PHACTR1: variants seen among roughly 807,000 people sequenced by gnomAD.
The protein encoded by PHACTR1 is RPEL repeat containing 1.
Under a neutral mutation model 69.2 loss-of-function variants are expected in PHACTR1, and 16 were observed. That is an observed-to-expected ratio of 0.23 (90% CI 0.16 to 0.35). The LOEUF is 0.35. PHACTR1 is among the 10% of genes least tolerant of loss of function. The pLI is 1.00. For missense variants in PHACTR1, 510 were observed against 734.7 expected, an observed-to-expected ratio of 0.69 and a Z score of 3.54; for synonymous variants, 312 against 284.5, an observed-to-expected ratio of 1.10 and a Z score of -0.97.
chr6:13,149,095 G>A (rs1205607524), intron 5 of PHACTR1, among the ~76,000 whole-genome samples: 8 of 114,882 alleles, frequency 7.0e-5, no homozygotes, highest in Non-Finnish European at 1.4e-4. Flanking sequence ...AACATTTGAT[G>A]AAAGAGCACG....
chr6:13,048,329 A>G (rs1005773787), intron 4 of PHACTR1, among the ~76,000 whole-genome samples: 2 of 152,174 alleles, frequency 1.3e-5, no homozygotes, highest in African/African-American at 4.8e-5. Flanking sequence ...TCCAGACAGC[A>G]TGAGGTAGCC....
At chr6:13,031,621 A>C (rs1802466810) in intron 4 of PHACTR1, among the ~76,000 whole-genome samples, 1 of 106,958 alleles carries the variant, frequency 9.3e-6, no homozygotes, top group Non-Finnish European at 2.2e-5. Context: ...TTTTAGGTGC[A>C]TGAGGGGGGT....
intron 4 of PHACTR1, among the ~76,000 whole-genome samples, chr6:12,854,787 G>C (rs913864594): frequency 6.6e-6 from 1 of 152,142 alleles, no homozygotes; most frequent in Non-Finnish European, 1.5e-5. Context: ...ATGAAACAAT[G>C]CTCAACATTT....
At chr6:13,015,907 T>G (rs1294160164) in intron 4 of PHACTR1, among the ~76,000 whole-genome samples, 1 of 152,196 alleles carries the variant, frequency 6.6e-6, no homozygotes, top group Non-Finnish European at 1.5e-5. Context: ...GGAGACCGAA[T>G]GTTATAGTGC....
chr6:12,747,135 T>C (rs925220256), intron 3 of PHACTR1, among the ~76,000 whole-genome samples: 7 of 152,154 alleles, frequency 4.6e-5, no homozygotes, highest in Middle Eastern at 3.2e-3. Context: ...CGGGAAATAA[T>C]AATGAGGCAT....
intron 4 of PHACTR1, among the ~76,000 whole-genome samples, chr6:12,868,261 G>A (rs12055862): frequency 0.011 from 1,469 of 135,984 alleles, no homozygotes; most frequent in Non-Finnish European, 0.013. Flanking sequence ...ATCTCAAAAA[G>A]AAAAAAAAAA....
intron 3 of PHACTR1, among the ~76,000 whole-genome samples, chr6:12,745,453 G>A (rs896588350): frequency 2.9e-4 from 44 of 152,180 alleles, no homozygotes; most frequent in African/African-American, 1.0e-3. Context: ...ACATTTAGAA[G>A]TCATTGAGGT....
Position 12,904,420 on chromosome 6 carries a change from G to A in PHACTR1, c.251-148945G>A, listed in dbSNP as rs377659314. Among the ~76,000 whole-genome samples the A allele has an allele frequency of 3.9e-5, 6 of 151,922 alleles. No homozygotes were observed. The East Asian group carries it at 5.8e-4, about 15-fold the overall frequency. ...GTGGTGGCAGGTGCCTGTAATCCCA[G>A]CTACTTGGGAGCCTGAGGCAGGAGA... On this transcript the variant is annotated intron_variant, in intron 4 of 14. Transcript: ENST00000332995.
intron 4 of PHACTR1, among the ~76,000 whole-genome samples, chr6:12,985,565 C>CACAGAG (rs1554186462): frequency 7.0e-5 from 10 of 142,602 alleles, no homozygotes; most frequent in African/African-American, 2.6e-4. Context: ...TATATATACA[C>CACAGAG]AGAGAGAGAG....
chr6:12,942,131 T>C lies in PHACTR1; in HGVS notation c.251-111234T>C, dbSNP rs558188886. 5.3e-5 allele frequency among the ~76,000 whole-genome samples: 8 copies of C among 152,136 alleles called. No individual in the cohort carries two copies. In the South Asian group the frequency reaches 1.0e-3, roughly 20 times the overall value. On this transcript the variant is annotated intron_variant, in intron 4 of 14. Transcript: ENST00000332995. Reference sequence around the variant, plus strand: ...GAGTTTCCAATGCCACATCCCATCTTTTGCCCACCCTTGAGGAAACAGAAT... The same window carrying C: ...GAGTTTCCAATGCCACATCCCATCTCTTGCCCACCCTTGAGGAAACAGAAT...
At chr6:12,809,033 A>T (rs1223571045) in intron 4 of PHACTR1, among the ~76,000 whole-genome samples, 1 of 151,306 alleles carries the variant, frequency 6.6e-6, no homozygotes, top group East Asian at 1.9e-4. Flanking sequence ...ATGTGCCACC[A>T]CTCCCAGCTA....
At chr6:13,142,404 G>A (rs747265053) in intron 5 of PHACTR1, among the ~76,000 whole-genome samples, 6 of 152,092 alleles carry the variant, frequency 3.9e-5, no homozygotes, top group Admixed American at 1.3e-4. Context: ...GCATCTGGCC[G>A]AGAATCCAAT....
intron 5 of PHACTR1, among the ~76,000 whole-genome samples, chr6:13,153,758 A>G (rs1378713260): frequency 3.3e-5 from 5 of 152,064 alleles, no homozygotes; most frequent in Admixed American, 3.3e-4. Context: ...TAGACTCCGG[A>G]TTTTTCTGTT....
chr6:13,184,789 G>T (rs1276228204), intron 7 of PHACTR1: 5 of 1,365,840 alleles, frequency 3.7e-6, no homozygotes, highest in African/African-American at 1.5e-5. Context: ...TCATGTGGTT[G>T]TCCCCTCAGT....
At chr6:12,861,773 C>T (rs982152744) in intron 4 of PHACTR1, among the ~76,000 whole-genome samples, 3 of 152,208 alleles carry the variant, frequency 2.0e-5, no homozygotes, top group Non-Finnish European at 4.4e-5. Flanking sequence ...GCAAGAAGTA[C>T]ACATTCTGAC....
intron 5 of PHACTR1, among the ~76,000 whole-genome samples, chr6:13,115,375 ACACT>A (rs917188263): frequency 2.6e-5 from 4 of 152,056 alleles, no homozygotes; most frequent in South Asian, 2.1e-4. Context: ...TTCAACACAA[ACACT>A]CTCTCTCTCC....
intron 4 of PHACTR1, among the ~76,000 whole-genome samples, chr6:13,021,674 C>T (rs1800994978): frequency 6.6e-6 from 1 of 152,152 alleles, no homozygotes; most frequent in African/African-American, 2.4e-5. Context: ...AGTTTCTCTG[C>T]AATTTTTCTG....
chr6:13,183,663 G>C (rs6920554), intron 7 of PHACTR1, among the ~76,000 whole-genome samples: 1,631 of 152,248 alleles, frequency 0.011, 32 homozygotes, highest in African/African-American at 0.036. Context: ...TCCCTTACAG[G>C]CTTTCTCACT....
intron 8 of PHACTR1, among the ~76,000 whole-genome samples, chr6:13,213,898 C>A (rs1036504749): frequency 6.6e-6 from 1 of 152,218 alleles, no homozygotes; most frequent in African/African-American, 2.4e-5. Flanking sequence ...AAATGGGCCA[C>A]AATCTGCCAT....
Sources: allele counts gnomAD v4.1 joint callset (sites outside exome capture counted in the v4.1 genomes callset), GRCh38; gene constraint gnomAD v4.1.1; transcripts MANE v1.5; gene names NCBI Gene and HGNC (gene_info 2026-07-23, HGNC 2026-07-21).